Variants in PDE11A observed in about 807,000 individuals in gnomAD.
The protein encoded by PDE11A is phosphodiesterase 11A.
A neutral mutation model predicts 100.5 loss-of-function variants in PDE11A; 100 were observed. The observed-to-expected ratio is 1.00, with a 90% CI of 0.85 to 1.18. The LOEUF is 1.18. Among genes scored for constraint, PDE11A ranks in the 50% most tolerant of loss-of-function variants. PDE11A has a pLI of 0.00. For synonymous variants in PDE11A, 381 were observed against 420.8 expected (o/e 0.91, Z 1.16); for missense variants, 1,141 against 1,152.6 (o/e 0.99, Z 0.15).
intron 9 of PDE11A, among the ~76,000 whole-genome samples, chr2:177,812,288 G>A (rs1437096235): frequency 1.3e-5 from 2 of 152,006 alleles, no homozygotes; most frequent in East Asian, 3.9e-4. Flanking sequence ...GCTTGCCCAA[G>A]GTCAATAGCT....
intron 9 of PDE11A, among the ~76,000 whole-genome samples, chr2:177,810,509 ATAT>A (rs918870170): frequency 6.6e-6 from 1 of 152,188 alleles, no homozygotes; most frequent in African/African-American, 2.4e-5. Flanking sequence ...TTTTGAGTGG[ATAT>A]GGCATAATTG....
intron 9 of PDE11A, among the ~76,000 whole-genome samples, chr2:177,792,369 A>G (rs73032072): frequency 0.018 from 2,770 of 152,258 alleles, 84 homozygotes; most frequent in African/African-American, 0.063. Context: ...TATAACTAGA[A>G]CTTTTAGTAG....
In PDE11A at chr2:177,727,717, G is replaced by C. The variant is rs146111360; in HGVS notation, c.1984C>G (p.Leu662Val). 2.5e-4 allele frequency: 396 copies of C among 1,612,138 alleles called. No homozygotes were observed. Among genetic ancestry groups the C allele is most frequent in the Non-Finnish European group, 3.2e-4 (378 of 1,178,260 alleles). Reference sequence around the variant, plus strand: ...AAGGCATGTCTCCAGTTGTGGTATAGAACCATCCGATAGTTTTTCCTCACT... The same window carrying C: ...AAGGCATGTCTCCAGTTGTGGTATACAACCATCCGATAGTTTTTCCTCACT... ...LTVRKNYRMVLYHNWRHAFNV... is the reference protein window; with the variant it reads ...LTVRKNYRMVVYHNWRHAFNV... The change falls in exon 12 of 20, where the codon CTA (leucine) becomes GTA (valine). Residue 662 changes from leucine (L) to valine (V), a missense_variant. Transcript: ENST00000286063.
At position 178,108,250 on chromosome 2, in the gene PDE11A, T is replaced by C. The variant is rs759881313; in HGVS notation, c.-14+4A>G. The C allele has an allele frequency of 1.3e-5, 2 of 152,286 alleles. No individual in the cohort carries two copies. Among genetic ancestry groups the C allele is most frequent in the Non-Finnish European group, 2.9e-5 (2 of 68,070 alleles). 9.4% of individuals were successfully genotyped at this position (152,286 alleles called of 1,614,324 possible). ...CTCCCTTTGCCCCCGCTCCCAGCAG[T>C]CACCTGGAACAGCCACCTGGCCAGA... On this transcript the variant is annotated splice_donor_region_variant and intron_variant, in intron 1 of 20. Transcript: ENST00000358450.
chr2:178,030,719 T>A (rs1037790692), intron 1 of PDE11A, among the ~76,000 whole-genome samples: 1 of 151,928 alleles, frequency 6.6e-6, no homozygotes, highest in Non-Finnish European at 1.5e-5. Flanking sequence ...CTATAAAAAA[T>A]TTTTAAAAAT....
intron 3 of PDE11A, among the ~76,000 whole-genome samples, chr2:177,900,767 G>GA (rs5836632): frequency 0.33 from 50,446 of 151,658 alleles, 10,063 homozygotes; most frequent in East Asian, 0.53. Context: ...CAAAAAAAAA[G>GA]AAAGAAAAGA....
chr2:177,861,958 T>C (rs1311040469), intron 5 of PDE11A, among the ~76,000 whole-genome samples: 1 of 151,908 alleles, frequency 6.6e-6, no homozygotes, highest in Non-Finnish European at 1.5e-5. Context: ...GCTAAAATAA[T>C]CAGCTCTTAG....
chr2:177,977,538 C>T (rs2085825354), intron 2 of PDE11A, among the ~76,000 whole-genome samples: 1 of 103,484 alleles, frequency 9.7e-6, no homozygotes, highest in Non-Finnish European at 2.0e-5. Flanking sequence ...GATTCAATGC[C>T]ATCCCCATCA....
At chr2:177,990,291 A>T (rs923937742) in intron 2 of PDE11A, among the ~76,000 whole-genome samples, 3 of 152,130 alleles carry the variant, frequency 2.0e-5, no homozygotes. Context: ...TGCATATCGG[A>T]CTTTGTGGTT....
At chr2:177,811,458 C>A (rs1000605304) in intron 9 of PDE11A, among the ~76,000 whole-genome samples, 16 of 149,784 alleles carry the variant, frequency 1.1e-4, no homozygotes, top group African/African-American at 4.0e-4. Flanking sequence ...TTAAGAAAAA[C>A]AGTCATCAAA....
At chr2:177,671,303 T>C (rs540477991) in intron 17 of PDE11A, among the ~76,000 whole-genome samples, 4 of 152,286 alleles carry the variant, frequency 2.6e-5, no homozygotes, top group South Asian at 4.1e-4. Context: ...AACTGCTTTG[T>C]TGGTACTTAA....
intron 2 of PDE11A, among the ~76,000 whole-genome samples, chr2:177,934,868 G>A (rs139688336): frequency 6.6e-6 from 1 of 152,286 alleles, no homozygotes; most frequent in Non-Finnish European, 1.5e-5. Flanking sequence ...ATTATTCTAA[G>A]CAAATTAATG....
chr2:177,704,926 C>T (rs772723052), intron 13 of PDE11A, among the ~76,000 whole-genome samples: 3 of 152,106 alleles, frequency 2.0e-5, no homozygotes, highest in Admixed American at 6.6e-5. Flanking sequence ...CTGCAACCTC[C>T]ACCTCCTGGG....
intron 17 of PDE11A, among the ~76,000 whole-genome samples, chr2:177,670,292 T>G (rs2080657827): frequency 6.6e-6 from 1 of 152,222 alleles, no homozygotes; most frequent in Non-Finnish European, 1.5e-5. Context: ...TTGTTCTACC[T>G]GAAACCTTAA....
At chr2:177,802,607 A>G (rs1370417921) in intron 9 of PDE11A, among the ~76,000 whole-genome samples, 2 of 152,080 alleles carry the variant, frequency 1.3e-5, no homozygotes, top group African/African-American at 4.8e-5. Flanking sequence ...AAGAGTACAT[A>G]TTGTATAACT....
At chr2:177,904,412 G>A (rs1306997105) in intron 3 of PDE11A, among the ~76,000 whole-genome samples, 1 of 152,160 alleles carries the variant, frequency 6.6e-6, no homozygotes, top group East Asian at 1.9e-4. Context: ...TCTGGGAAGT[G>A]GGGGTAAGAT....
chr2:177,817,059 A>C, intron 8 of PDE11A, 138 bp from the exon 9 acceptor site: 1 of 682,738 alleles, frequency 1.5e-6, no homozygotes, highest in African/African-American at 1.8e-5. Flanking sequence ...GGAAATAGGC[A>C]CATTAAAATT....
chr2:178,026,382 C>G (rs887680129), intron 1 of PDE11A, among the ~76,000 whole-genome samples: 6 of 152,076 alleles, frequency 3.9e-5, no homozygotes, highest in African/African-American at 1.4e-4. Flanking sequence ...TAATTTTTGA[C>G]CGGGCGCTGT....
chr2:177,947,511 G>T (rs186230121), intron 2 of PDE11A, among the ~76,000 whole-genome samples: 2 of 152,194 alleles, frequency 1.3e-5, no homozygotes, highest in Admixed American at 6.5e-5. Context: ...TCCACTCAGC[G>T]TTGAATGGAT....
Sources: gnomAD v4.1 joint callset for allele counts (sites outside exome capture counted in the v4.1 genomes callset) on GRCh38, gnomAD v4.1.1 for gene constraint, MANE v1.5 for transcripts, NCBI Gene and HGNC (gene_info 2026-07-23, HGNC 2026-07-21) for gene names.